Variants in REC114 observed in about 807,000 individuals in gnomAD.
REC114 encodes the protein meiotic recombination protein REC114.
A neutral mutation model predicts 31.3 loss-of-function variants in REC114; 27 were observed. That is an observed-to-expected ratio of 0.86 (90% CI 0.64 to 1.19). REC114 has a LOEUF of 1.19. Ranked by LOEUF, REC114 falls within the 50% of genes most tolerant of loss-of-function variation. The pLI is 0.00. For synonymous variants in REC114, 134 were observed against 127.7 expected, an observed-to-expected ratio of 1.05 and a Z score of -0.33; for missense variants, 344 against 326.9, an observed-to-expected ratio of 1.05 and a Z score of -0.40.
At position 73,506,292 on chromosome 15, in the gene REC114, T is replaced by C. The variant is rs192392847; in HGVS notation, c.249+32371T>C. On this transcript the variant is annotated intron_variant, in intron 2 of 5. Transcript: ENST00000331090. ...GTTCTGAGTTGTGACCCTTCAATTT[T>C]TTAAAAGCTCTGTTATGTTGTCTTG... Among the ~76,000 whole-genome samples the C allele has an allele frequency of 9.8e-5, 15 of 152,288 alleles. No homozygotes were observed. The East Asian group carries it at 2.9e-3, about 29-fold the overall frequency.
intron 1 of REC114, among the ~76,000 whole-genome samples, chr15:73,458,765 A>G (rs1051418284): frequency 7.2e-5 from 11 of 152,218 alleles, no homozygotes; most frequent in African/African-American, 2.4e-4. Flanking sequence ...GTAAGCCACC[A>G]TGACACTTTC....
intron 3 of REC114, among the ~76,000 whole-genome samples, chr15:73,541,403 A>C (rs960769554): frequency 1.3e-5 from 2 of 152,208 alleles, no homozygotes; most frequent in Non-Finnish European, 2.9e-5. Flanking sequence ...CTACCTCAAA[A>C]TTAAGGTGTT....
chr15:73,456,873 G>A lies in REC114; in HGVS notation c.159+13529G>A, dbSNP rs898779903. ...ATATGGAATGTAGCAATTCAATTATGTGGATGAAGAATTTTGAGATTAACA... is the reference window on the plus strand; with the variant it reads ...ATATGGAATGTAGCAATTCAATTATATGGATGAAGAATTTTGAGATTAACA... On this transcript the variant is annotated intron_variant, in intron 1 of 5. Coordinates refer to ENST00000331090, the MANE Select transcript of REC114 (RefSeq NM_001042367.2). 3.3e-5 allele frequency among the ~76,000 whole-genome samples: 5 copies of A among 152,076 alleles called. 2 individuals carry two copies. The South Asian group carries it at 1.0e-3, about 32-fold the overall frequency.
At chr15:73,446,588 T>C (rs1049574928) in intron 1 of REC114, among the ~76,000 whole-genome samples, 1 of 151,256 alleles carries the variant, frequency 6.6e-6, no homozygotes, top group Non-Finnish European at 1.5e-5. Flanking sequence ...TGCAGTGAGC[T>C]GAGATCGTGG....
At position 73,518,375 on chromosome 15, in the gene REC114, G is replaced by A. The variant is rs75313523; in HGVS notation, c.250-22110G>A. On this transcript the variant is annotated intron_variant, in intron 2 of 5. Transcript: ENST00000331090. ...GTCTCTGCCTCTGCCTCTCAGCTCC[G>A]TTTTCCTCTGGAAGGATCTCTCTGG... is the stretch of plus-strand genomic sequence containing the variant. 3.3e-5 allele frequency among the ~76,000 whole-genome samples: 5 copies of A among 152,234 alleles called. No homozygotes were observed. The East Asian group carries it at 5.8e-4, about 18-fold the overall frequency.
chr15:73,548,595 G>A (rs1021800939), intron 3 of REC114, among the ~76,000 whole-genome samples: 6 of 152,152 alleles, frequency 3.9e-5, no homozygotes, highest in Admixed American at 1.3e-4. Flanking sequence ...ATATACTGTT[G>A]GTGGGAGTGT....
intron 3 of REC114, among the ~76,000 whole-genome samples, chr15:73,544,163 T>A (rs1038053622): frequency 2.0e-5 from 3 of 152,262 alleles, no homozygotes; most frequent in African/African-American, 7.2e-5. Context: ...AATTATAGTT[T>A]ATTTAATACC....
At chr15:73,508,493 T>C (rs1893715388) in intron 2 of REC114, among the ~76,000 whole-genome samples, 1 of 151,258 alleles carries the variant, frequency 6.6e-6, no homozygotes, top group Non-Finnish European at 1.5e-5. Context: ...GTGCACATTG[T>C]GCAGGTTAGT....
intron 2 of REC114, among the ~76,000 whole-genome samples, chr15:73,517,006 A>G (rs972008878): frequency 1.3e-5 from 2 of 152,204 alleles, no homozygotes; most frequent in Non-Finnish European, 2.9e-5. Context: ...CAAAATGTGT[A>G]CTGGGGAAGG....
intron 2 of REC114, among the ~76,000 whole-genome samples, chr15:73,538,530 C>A: frequency 6.8e-6 from 1 of 146,866 alleles, no homozygotes; most frequent in Non-Finnish European, 1.5e-5. Flanking sequence ...TATCTTGGCT[C>A]ACTGCAAGCT....
At chr15:73,458,929 A>G (rs1461190840) in intron 1 of REC114, among the ~76,000 whole-genome samples, 1 of 152,240 alleles carries the variant, frequency 6.6e-6, no homozygotes, top group Non-Finnish European at 1.5e-5. Flanking sequence ...TTGGAGGGTA[A>G]CTGGCAGTCT....
At chr15:73,462,613 C>A (rs1374994628) in intron 1 of REC114, among the ~76,000 whole-genome samples, 1 of 152,094 alleles carries the variant, frequency 6.6e-6, no homozygotes, top group Non-Finnish European at 1.5e-5. Context: ...GGGCCAGGTG[C>A]GGTGGCTCAC....
intron 2 of REC114, among the ~76,000 whole-genome samples, chr15:73,529,822 G>C (rs1894052960): frequency 6.6e-6 from 1 of 152,102 alleles, no homozygotes; most frequent in Non-Finnish European, 1.5e-5. Flanking sequence ...TAGACTCCCA[G>C]CTCCTTGAGG....
At chr15:73,479,119 G>A (rs2141295884) in intron 2 of REC114, among the ~76,000 whole-genome samples, 1 of 151,518 alleles carries the variant, frequency 6.6e-6, no homozygotes, top group East Asian at 1.9e-4. Flanking sequence ...GAGAGTTGAT[G>A]TCCTTGCCTT....
At chr15:73,523,300 G>A (rs570723704) in intron 2 of REC114, among the ~76,000 whole-genome samples, 15 of 151,776 alleles carry the variant, frequency 9.9e-5, no homozygotes, top group African/African-American at 3.4e-4. Context: ...CCACATGATG[G>A]AAGAAGATTT....
intron 1 of REC114, among the ~76,000 whole-genome samples, chr15:73,464,963 C>T (rs1229532680): frequency 6.6e-6 from 1 of 152,194 alleles, no homozygotes; most frequent in Non-Finnish European, 1.5e-5. Context: ...GCAATCTCAG[C>T]TCACTGCAAC....
intron 1 of REC114, among the ~76,000 whole-genome samples, chr15:73,452,239 C>A (rs953615683): frequency 6.6e-6 from 1 of 152,264 alleles, no homozygotes; most frequent in Non-Finnish European, 1.5e-5. Flanking sequence ...AAAACCCAAT[C>A]GTCTCAGCCC....
intron 4 of REC114, among the ~76,000 whole-genome samples, chr15:73,554,660 C>T (rs1894438321): frequency 6.6e-6 from 1 of 152,152 alleles, no homozygotes; most frequent in Non-Finnish European, 1.5e-5. Context: ...TGGACTCTTT[C>T]CTGTTAGCAC....
chr15:73,491,786 G>A (rs528326931), intron 2 of REC114, among the ~76,000 whole-genome samples: 1 of 152,096 alleles, frequency 6.6e-6, no homozygotes, highest in South Asian at 2.1e-4. Context: ...TGTAAGCCCA[G>A]CTACTTGGGA....
Sources: gnomAD v4.1 joint callset for allele counts (sites outside exome capture counted in the v4.1 genomes callset) on GRCh38, gnomAD v4.1.1 for gene constraint, MANE v1.5 for transcripts, NCBI Gene and HGNC (gene_info 2026-07-23, HGNC 2026-07-21) for gene names.